Variants in FHIT observed in about 807,000 individuals in gnomAD.
The protein encoded by FHIT is fragile histidine triad diadenosine triphosphatase.
In FHIT, 19 loss-of-function variants were observed where a neutral mutation model predicts 17.9. The observed-to-expected ratio is 1.06, with a 90% CI of 0.74 to 1.56. The LOEUF (loss-of-function observed/expected upper bound fraction) is 1.56. Ranked by LOEUF, FHIT falls within the 40% of genes most tolerant of loss-of-function variation. The probability of loss-of-function intolerance (pLI) is 0.00; values close to 1 mark genes in which losing one functional copy is unlikely to be tolerated. For synonymous variants in FHIT, 81 were observed against 69.7 expected, an observed-to-expected ratio of 1.16 and a Z score of -0.81; for missense variants, 248 against 189.2, an observed-to-expected ratio of 1.31 and a Z score of -1.82.
chr3:61,215,393 A>T (rs1462618760), intron 1 of FHIT, among the ~76,000 whole-genome samples: 1 of 152,226 alleles, frequency 6.6e-6, no homozygotes, highest in Non-Finnish European at 1.5e-5. Context: ...CCTCATCATG[A>T]GTGAACTCCC....
chr3:61,097,935 C>CAG (rs2035693852), intron 2 of FHIT, among the ~76,000 whole-genome samples: 1 of 152,188 alleles, frequency 6.6e-6, no homozygotes, highest in Non-Finnish European at 1.5e-5. Flanking sequence ...CTTTACTGTG[C>CAG]AGAAGCTCCT....
intron 8 of FHIT, among the ~76,000 whole-genome samples, chr3:59,909,633 T>C (rs1704771977): frequency 6.6e-6 from 1 of 152,128 alleles, no homozygotes; most frequent in African/African-American, 2.4e-5. Context: ...AGAGTAGAAA[T>C]ACCAAAAAAG....
chr3:59,868,387 T>C (rs1702755483), intron 8 of FHIT, among the ~76,000 whole-genome samples: 2 of 152,150 alleles, frequency 1.3e-5, no homozygotes, highest in South Asian at 4.1e-4. Context: ...GTCAAAATGA[T>C]AATGGGGAAT....
intron 5 of FHIT, among the ~76,000 whole-genome samples, chr3:60,432,644 T>C (rs1170995246): frequency 6.6e-6 from 1 of 152,040 alleles, no homozygotes; most frequent in East Asian, 1.9e-4. Flanking sequence ...AGCTAAACAA[T>C]TGAGAAGGGT....
In FHIT at chr3:59,748,065, C is replaced by T. The variant is rs1186021091; in HGVS notation, c.*1520G>A. Among the ~76,000 whole-genome samples the T allele has an allele frequency of 6.6e-6, 1 of 152,146 alleles. No homozygotes were observed. The highest frequency in any genetic ancestry group is 1.9e-4 in the East Asian group (1 of 5,190). ...AATGGTGGCTAGCCTCACTTTTTAA[C>T]ACAGAGACTGAATCTCACTCCTAGT... is the stretch of plus-strand genomic sequence containing the variant. On this transcript the variant is annotated 3_prime_UTR_variant, in exon 10 of 10. Transcript: ENST00000492590.
chr3:60,622,060 G>T (rs1247396604), intron 4 of FHIT, among the ~76,000 whole-genome samples: 1 of 152,066 alleles, frequency 6.6e-6, no homozygotes, highest in Non-Finnish European at 1.5e-5. Context: ...CATCTTAGAG[G>T]CAAGAAAGCT....
intron 3 of FHIT, among the ~76,000 whole-genome samples, chr3:60,914,235 T>G (rs1271732565): frequency 6.6e-6 from 1 of 151,960 alleles, no homozygotes; most frequent in Non-Finnish European, 1.5e-5. Context: ...ACATGATATC[T>G]CCCATCAAGG....
At chr3:60,260,129 C>G (rs984485674) in intron 5 of FHIT, among the ~76,000 whole-genome samples, 1 of 152,028 alleles carries the variant, frequency 6.6e-6, no homozygotes, top group Admixed American at 6.6e-5. Flanking sequence ...CTAACCACTA[C>G]AAGTTAGAAG....
intron 5 of FHIT, among the ~76,000 whole-genome samples, chr3:60,190,351 G>C (rs901186569): frequency 6.8e-6 from 1 of 146,838 alleles, no homozygotes; most frequent in Non-Finnish European, 1.5e-5. Flanking sequence ...AGTGAGATGA[G>C]ACCAGAAAAA....
chr3:60,286,712 A>G (rs1007572247), intron 5 of FHIT, among the ~76,000 whole-genome samples: 6 of 152,208 alleles, frequency 3.9e-5, no homozygotes, highest in African/African-American at 1.2e-4. Context: ...TGCTATTTAA[A>G]TTGTTTTTGT....
chr3:61,093,466 A>C (rs2035546857), intron 2 of FHIT, among the ~76,000 whole-genome samples: 1 of 152,196 alleles, frequency 6.6e-6, no homozygotes, highest in African/African-American at 2.4e-5. Flanking sequence ...AAGCCCCCAC[A>C]ACAGAATTAT....
chr3:60,889,024 T>C (rs1705366977), intron 3 of FHIT, among the ~76,000 whole-genome samples: 1 of 152,188 alleles, frequency 6.6e-6, no homozygotes, highest in Admixed American at 6.5e-5. Context: ...TAAAGTAACC[T>C]TTTTCGATTA....
chr3:61,243,972 T>C (rs1451653449), intron 1 of FHIT: 1 of 152,202 alleles, frequency 6.6e-6, no homozygotes, highest in Admixed American at 6.5e-5. Context: ...TTCTAGATAT[T>C]TCATTCCCCA....
At chr3:60,184,994 T>C (rs924993616) in intron 5 of FHIT, among the ~76,000 whole-genome samples, 1 of 152,192 alleles carries the variant, frequency 6.6e-6, no homozygotes, top group Non-Finnish European at 1.5e-5. Flanking sequence ...TTCTGAGCAC[T>C]GTCTTACTTC....
At chr3:60,238,657 AC>A (rs1368307267) in intron 5 of FHIT, among the ~76,000 whole-genome samples, 1 of 152,142 alleles carries the variant, frequency 6.6e-6, no homozygotes, top group Non-Finnish European at 1.5e-5. Context: ...CATTTTTCAA[AC>A]CCTTAGTGTA....
In FHIT at chr3:61,108,201, C is replaced by T. The variant is rs2036048278; in HGVS notation, c.-163-66102G>A. On this transcript the variant is annotated intron_variant, in intron 2 of 9. Transcript: ENST00000492590. Reference sequence around the variant, plus strand: ...CTTATTATTATCATCTTCATTATCACTCTAATTATTAATAATGTTCACTAA... The same window carrying T: ...CTTATTATTATCATCTTCATTATCATTCTAATTATTAATAATGTTCACTAA... 3.3e-5 allele frequency among the ~76,000 whole-genome samples: 5 copies of T among 152,060 alleles called. No individual in the cohort carries two copies. In the South Asian group the frequency reaches 8.3e-4, roughly 25 times the overall value.
At chr3:60,718,801 A>G (rs940174777) in intron 4 of FHIT, among the ~76,000 whole-genome samples, 1 of 152,160 alleles carries the variant, frequency 6.6e-6, no homozygotes, top group Non-Finnish European at 1.5e-5. Flanking sequence ...GAATTAAACA[A>G]ATTTTTTTGA....
intron 2 of FHIT, among the ~76,000 whole-genome samples, chr3:61,095,773 CT>C: frequency 6.6e-6 from 1 of 152,350 alleles, no homozygotes; most frequent in South Asian, 2.1e-4. Flanking sequence ...CCTGTCCCCT[CT>C]CTTCAGGGTA....
At chr3:60,669,166 A>AT (rs1225306671) in intron 4 of FHIT, among the ~76,000 whole-genome samples, 10 of 152,216 alleles carry the variant, frequency 6.6e-5, no homozygotes, top group Non-Finnish European at 1.2e-4. Flanking sequence ...ACATGAATGA[A>AT]TGTTCATGCA....
Sources: gnomAD v4.1 joint callset for allele counts (sites outside exome capture counted in the v4.1 genomes callset) on GRCh38, gnomAD v4.1.1 for gene constraint, MANE v1.5 for transcripts, NCBI Gene and HGNC (gene_info 2026-07-23, HGNC 2026-07-21) for gene names.